VIPAS39: variants seen among roughly 807,000 people sequenced by gnomAD.
VIPAS39 encodes the protein spermatogenesis-defective protein 39 homolog.
A neutral mutation model predicts 84.7 loss-of-function variants in VIPAS39; 63 were observed. That is an observed-to-expected ratio of 0.74 (90% CI 0.61 to 0.92). VIPAS39 has a LOEUF of 0.92. Among genes scored for constraint, VIPAS39 ranks in the 40% least tolerant of loss-of-function variants. The pLI, the probability that VIPAS39 is intolerant of heterozygous loss-of-function variation, is 0.00. For synonymous variants in VIPAS39, 192 were observed against 216.5 expected, an observed-to-expected ratio of 0.89 and a Z score of 0.99; for missense variants, 499 against 604.5, an observed-to-expected ratio of 0.83 and a Z score of 1.83.
chr14:77,436,734 C>T (rs926545949), intron 12 of VIPAS39, among the ~76,000 whole-genome samples: 8 of 152,280 alleles, frequency 5.3e-5, no homozygotes, highest in East Asian at 3.9e-4. Flanking sequence ...TGAGCTGCTG[C>T]GCCCGGCCAC....
intron 4 of VIPAS39, 137 bp downstream of exon 4, chr14:77,451,050 A>C: frequency 7.7e-7 from 1 of 1,291,332 alleles, no homozygotes; most frequent in Non-Finnish European, 1.1e-6. Flanking sequence ...CTCGCTCCTA[A>C]CACCCAGCTG....
chr14:77,427,945 T>C (rs930986846), intron 19 of VIPAS39, among the ~76,000 whole-genome samples: 1 of 152,234 alleles, frequency 6.6e-6, no homozygotes, highest in Non-Finnish European at 1.5e-5. Flanking sequence ...AGTAATTTCC[T>C]GCTGTGAGAG....
chr14:77,457,225 T>C, intron 1 of VIPAS39: 2 of 1,525,574 alleles, frequency 1.3e-6, no homozygotes, highest in Non-Finnish European at 1.8e-6. Context: ...GCCATGGATC[T>C]ACCGCAGTCG....
At chr14:77,452,779 C>CA (rs11418833) in intron 3 of VIPAS39, among the ~76,000 whole-genome samples, 48,623 of 105,514 alleles carry the variant, frequency 0.46, 12,108 homozygotes, top group East Asian at 0.91. Flanking sequence ...GACTCCATCT[C>CA]AAAAAAAAAA....
intron 1 of VIPAS39, chr14:77,457,078 C>T: frequency 2.2e-6 from 3 of 1,393,244 alleles, no homozygotes; most frequent in Non-Finnish European, 2.8e-6. Flanking sequence ...CCTCAGAAAA[C>T]TCCAAAAACC....
intron 7 of VIPAS39, among the ~76,000 whole-genome samples, chr14:77,447,320 C>T (rs149315993): frequency 2.0e-4 from 30 of 149,834 alleles, no homozygotes; most frequent in Admixed American, 4.0e-4. Context: ...CCACCGTGCC[C>T]GGCCGCACAC....
intron 12 of VIPAS39, among the ~76,000 whole-genome samples, chr14:77,437,123 C>G (rs1388334171): frequency 2.6e-5 from 4 of 152,128 alleles, no homozygotes; most frequent in African/African-American, 9.7e-5. Context: ...GAAATCATGT[C>G]ACATGAGGAA....
chr14:77,441,107 G>T lies in VIPAS39; in HGVS notation c.735-14C>A. The T allele has an allele frequency of 6.2e-7, 1 of 1,613,544 alleles. No homozygotes were observed. Among genetic ancestry groups the T allele is most frequent in the Non-Finnish European group, 8.5e-7 (1 of 1,179,584 alleles). ...CTATCTAGGAACCTGGGAAGAAGCA[G>T]AAGGGAGCAGGGCATTTGTATCTAT... On this transcript the variant is annotated splice_polypyrimidine_tract_variant and intron_variant, in intron 10 of 19. Coordinates refer to ENST00000557658, the MANE Select transcript of VIPAS39 (RefSeq NM_001193315.2).
rs1566723865 is a variant in VIPAS39 at position 77,433,854 on chromosome 14, T to TC, written c.1166_1167insG (p.Phe390IlefsTer54). 6.2e-7 allele frequency: 1 copy of TC among 1,613,944 alleles called. No homozygotes were observed. Among genetic ancestry groups the TC allele is most frequent in the Non-Finnish European group, 8.5e-7 (1 of 1,179,910 alleles). ...GCAGGGCACACACCTTTGTGGTGAA[T>TC]AGGGCATCTACATCATTCCAGGCTC... is the stretch of plus-strand genomic sequence containing the variant. On this transcript the variant is annotated frameshift_variant, in exon 16 of 20. Transcript: ENST00000557658. LOFTEE classifies it high-confidence loss of function.
chr14:77,435,037 G>A, intron 14 of VIPAS39: 1 of 604,932 alleles, frequency 1.7e-6, no homozygotes, highest in Non-Finnish European at 2.9e-6. Flanking sequence ...AACTTGCTAT[G>A]CTAGCATGCC....
In VIPAS39 at chr14:77,429,532, G is replaced by C. The variant is rs1166997656; in HGVS notation, c.1266+149C>G. 7.2e-6 allele frequency: 6 copies of C among 833,148 alleles called. No homozygotes were observed. The East Asian group carries it at 1.5e-4, about 20-fold the overall frequency. 51.6% of individuals were successfully genotyped at this position (833,148 alleles called of 1,614,324 possible). On this transcript the variant is annotated intron_variant, in intron 17 of 19. Coordinates refer to ENST00000557658, the MANE Select transcript of VIPAS39 (RefSeq NM_001193315.2). The stretch of plus-strand genomic sequence containing the variant: ...GAAAGGGAGAGAATTTCACTCCCTG[G>C]CCTTTTCTGTCTTGAGGCCTATTGC...
At chr14:77,453,477 G>A in intron 2 of VIPAS39, 76 bp from the exon 3 acceptor site, 2 of 1,408,940 alleles carry the variant, frequency 1.4e-6, no homozygotes, top group Non-Finnish European at 2.0e-6. Context: ...CAAGAAGGCT[G>A]AGGAATTGGG....
chr14:77,437,926 A>G (rs770106544), intron 11 of VIPAS39, 45 bp from the exon 12 acceptor site: 1 of 1,571,952 alleles, frequency 6.4e-7, no homozygotes, highest in African/African-American at 1.4e-5. Context: ...GTCTCCTTAG[A>G]TGAGGGAGAT....
chr14:77,429,700 T>C lies in VIPAS39; in HGVS notation c.1247A>G (p.Lys416Arg). 1 of 1,614,174 alleles carries C rather than the reference T, an allele frequency of 6.2e-7. No homozygotes were observed. Among genetic ancestry groups the C allele is most frequent in the Non-Finnish European group, 8.5e-7 (1 of 1,180,014 alleles). ...CATTACCTGCACAGGGGCATTGTTC[T>C]TGTGCAAAATTTCGACAACCCGATG... ...GFHRVVEILH[K>R]NNAPVQILQE... The change falls in exon 17 of 20, where the codon AAG (lysine) becomes AGG (arginine). Residue 416 changes from lysine (K) to arginine (R), a missense_variant. Lys to Arg is a conservative substitution (Grantham distance 26, BLOSUM62 2). Coordinates refer to ENST00000557658, the MANE Select transcript of VIPAS39 (RefSeq NM_001193315.2).
At chr14:77,446,356 T>G (rs2078789898) in intron 7 of VIPAS39, among the ~76,000 whole-genome samples, 1 of 152,124 alleles carries the variant, frequency 6.6e-6, no homozygotes, top group African/African-American at 2.4e-5. Context: ...CAGGTTGGAG[T>G]GCAGTGATGC....
intron 11 of VIPAS39, among the ~76,000 whole-genome samples, chr14:77,438,986 T>C (rs2078658434): frequency 6.6e-6 from 1 of 152,220 alleles, no homozygotes; most frequent in African/African-American, 2.4e-5. Context: ...ATAGTTGGTA[T>C]ACAATCATTC....
At chr14:77,427,711 C>G (rs866003041) in intron 19 of VIPAS39, 75 bp from the exon 20 acceptor site, 6 of 1,571,564 alleles carry the variant, frequency 3.8e-6, no homozygotes, top group Non-Finnish European at 5.3e-6. Context: ...GAAAATGCAA[C>G]AAAACAAGGC....
chr14:77,433,004 C>T (rs2078547559), intron 16 of VIPAS39, among the ~76,000 whole-genome samples: 1 of 151,670 alleles, frequency 6.6e-6, no homozygotes, highest in African/African-American at 2.4e-5. Flanking sequence ...TAAATATATA[C>T]AATAAAAATT....
chr14:77,456,590 A>G (rs1304601994), intron 1 of VIPAS39, among the ~76,000 whole-genome samples: 2 of 152,222 alleles, frequency 1.3e-5, no homozygotes, highest in Non-Finnish European at 1.5e-5. Context: ...TCAAATTACA[A>G]TCCAGGCTTT....
Sources: gnomAD v4.1 joint callset for allele counts (sites outside exome capture counted in the v4.1 genomes callset) on GRCh38, gnomAD v4.1.1 for gene constraint, MANE v1.5 for transcripts, NCBI Gene and HGNC (gene_info 2026-07-23, HGNC 2026-07-21) for gene names.